Variants in TSHZ3 observed in about 807,000 individuals in gnomAD.
The protein encoded by TSHZ3 is teashirt zinc finger homeobox 3.
Under a neutral mutation model 64.5 loss-of-function variants are expected in TSHZ3, and 10 were observed. The observed-to-expected ratio is 0.16, with a 90% CI of 0.10 to 0.26. TSHZ3 has a LOEUF of 0.26. Ranked by LOEUF, TSHZ3 falls within the 10% of genes least tolerant of loss-of-function variation. The pLI is 1.00. For synonymous variants in TSHZ3, 608 were observed against 593.1 expected (o/e 1.03, Z -0.36); for missense variants, 1,242 against 1,421.7 (o/e 0.87, Z 2.03).
intron 5 of TSHZ3, among the ~76,000 whole-genome samples, chr19:31,175,430 A>C (rs1974593458): frequency 8.5e-6 from 1 of 117,986 alleles, no homozygotes; most frequent in South Asian, 3.0e-4. Context: ...CATGTTTTTA[A>C]TTTGTTTGTG....
intron 3 of TSHZ3, among the ~76,000 whole-genome samples, chr19:31,231,756 G>A (rs551401866): frequency 4.2e-4 from 64 of 152,262 alleles, no homozygotes; most frequent in African/African-American, 1.4e-3. Context: ...TCCAACCGGA[G>A]CTTACGGATC....
chr19:31,292,694 T>G (rs1177241855), intron 1 of TSHZ3, among the ~76,000 whole-genome samples: 1 of 150,960 alleles, frequency 6.6e-6, no homozygotes, highest in Admixed American at 6.6e-5. Flanking sequence ...TATTCATCTA[T>G]CCATCCAAAA....
intron 1 of TSHZ3, among the ~76,000 whole-genome samples, chr19:31,253,765 C>G (rs1442261066): frequency 6.6e-6 from 1 of 152,124 alleles, no homozygotes; most frequent in Non-Finnish European, 1.5e-5. Flanking sequence ...ACCTCGCAAC[C>G]CGGATAGAAA....
chr19:31,153,834 A>T (rs922858877), intron 6 of TSHZ3, among the ~76,000 whole-genome samples: 1 of 152,236 alleles, frequency 6.6e-6, no homozygotes, highest in Non-Finnish European at 1.5e-5. Context: ...GACATAATTC[A>T]TTTAATAAAG....
At chr19:31,149,891 G>C (rs1375059633), downstream of TSHZ3, among the ~76,000 whole-genome samples, 1 of 152,160 alleles carries the variant, frequency 6.6e-6, no homozygotes, top group Non-Finnish European at 1.5e-5. Context: ...CTTAATCATA[G>C]AGGGTCATGT....
rs1976303657 is a variant in TSHZ3, at chr19:31,278,808, C to G, written c.985G>C (p.Glu329Gln). Residue 329 changes from glutamate (E) to glutamine (Q), a missense_variant, in exon 2 of 2, where the codon GAG becomes CAG. Glu to Gln is a conservative substitution (Grantham distance 29). Coordinates refer to ENST00000240587, the MANE Select transcript of TSHZ3 (RefSeq NM_020856.4). This position sits in a 1 kb window ranked among gnomAD's most constrained non-coding sequence, Gnocchi z 4.7. ...ATRKKASLEL[E>Q]LPSSPDSTGG... ...GTGGAATCTGGGGAGCTGGGGAGCT[C>G]CAGCTCCAGGGAAGCTTTCTTCCGA... is the stretch of plus-strand genomic sequence containing the variant. 4 of 1,614,012 alleles carry G rather than the reference C, an allele frequency of 2.5e-6. 1 individual carries two copies. The highest frequency in any genetic ancestry group is 3.3e-4 in the Middle Eastern group (2 of 6,084).
At chr19:31,240,779 C>A (rs372842710) in intron 3 of TSHZ3, among the ~76,000 whole-genome samples, 13 of 151,874 alleles carry the variant, frequency 8.6e-5, no homozygotes, top group Admixed American at 6.6e-5. Flanking sequence ...TTTCTCTGCC[C>A]AGTTATAATC....
intron 5 of TSHZ3, among the ~76,000 whole-genome samples, chr19:31,196,818 TG>T (rs1352289210): frequency 6.6e-6 from 1 of 151,826 alleles, no homozygotes; most frequent in African/African-American, 2.4e-5. Context: ...GAGCTAAAAA[TG>T]GGTAGAACTG....
intron 5 of TSHZ3, among the ~76,000 whole-genome samples, chr19:31,187,514 G>C (rs760653800): frequency 4.7e-4 from 71 of 151,886 alleles, no homozygotes; most frequent in Non-Finnish European, 7.4e-4. Flanking sequence ...CCACTGAAAG[G>C]TAGTCAAATA....
At chr19:31,296,941 C>CA (rs1976671966) in intron 1 of TSHZ3, among the ~76,000 whole-genome samples, 1 of 152,222 alleles carries the variant, frequency 6.6e-6, no homozygotes, top group African/African-American at 2.4e-5. Context: ...GTGAAAGTGT[C>CA]ACCCACAGTG....
chr19:31,196,605 TA>T (rs1974997179), intron 5 of TSHZ3, among the ~76,000 whole-genome samples: 3 of 151,926 alleles, frequency 2.0e-5, no homozygotes, highest in African/African-American at 2.4e-5. Context: ...AAGACACATC[TA>T]GATTAAAAGT....
intron 5 of TSHZ3, among the ~76,000 whole-genome samples, chr19:31,171,318 A>C (rs1974531537): frequency 6.6e-6 from 1 of 152,172 alleles, no homozygotes; most frequent in South Asian, 2.1e-4. Flanking sequence ...TGAGACAATG[A>C]GTATTGCCAG....
At chr19:31,255,227 C>T (rs548687323) in intron 1 of TSHZ3, among the ~76,000 whole-genome samples, 2 of 152,206 alleles carry the variant, frequency 1.3e-5, no homozygotes, top group African/African-American at 4.8e-5. Context: ...CTGCAGTAGG[C>T]AATGGTGAAT....
intron 5 of TSHZ3, among the ~76,000 whole-genome samples, chr19:31,194,524 A>G (rs1476525818): frequency 1.3e-5 from 2 of 152,208 alleles, no homozygotes; most frequent in Non-Finnish European, 2.9e-5. Context: ...GCACTTGAGA[A>G]GTTCACAGTC....
intron 1 of TSHZ3, among the ~76,000 whole-genome samples, chr19:31,308,018 T>C (rs1173418883): frequency 6.6e-6 from 1 of 152,262 alleles, no homozygotes; most frequent in African/African-American, 2.4e-5. Context: ...ATGCAGTGTC[T>C]GTCATCGGGA....
intron 1 of TSHZ3, among the ~76,000 whole-genome samples, chr19:31,264,990 G>A (rs1976030447): frequency 6.6e-6 from 1 of 152,158 alleles, no homozygotes; most frequent in South Asian, 2.1e-4. Flanking sequence ...CTTGTGGAGA[G>A]AGTGGCCAGG....
chr19:31,250,196 A>T (rs57856661), intron 1 of TSHZ3, among the ~76,000 whole-genome samples: 2,224 of 152,338 alleles, frequency 0.015, 50 homozygotes, highest in African/African-American at 0.051. Flanking sequence ...TATGAGCATG[A>T]CTTTCCTCAC....
intron 1 of TSHZ3, among the ~76,000 whole-genome samples, chr19:31,289,537 C>A (rs1021944392): frequency 3.3e-5 from 5 of 152,192 alleles, no homozygotes; most frequent in Admixed American, 3.3e-4. Context: ...TCCCCGGGCC[C>A]CAGCCCCTGG....
At chr19:31,283,891 C>T (rs1383166169) in intron 1 of TSHZ3, among the ~76,000 whole-genome samples, 2 of 152,112 alleles carry the variant, frequency 1.3e-5, no homozygotes, top group East Asian at 3.9e-4. Context: ...ACTGGGTGTT[C>T]CCAGTCACTG....
Sources: allele counts gnomAD v4.1 joint callset (sites outside exome capture counted in the v4.1 genomes callset), GRCh38; gene constraint gnomAD v4.1.1; non-coding constraint Gnocchi (gnomAD v3.1); transcripts MANE v1.5; gene names NCBI Gene and HGNC (gene_info 2026-07-23, HGNC 2026-07-21).